The following USP6NL variants were observed in gnomAD, a reference collection of about 807,000 sequenced individuals.
The protein encoded by USP6NL is USP6 N-terminal-like protein.
Under a neutral mutation model 61.9 loss-of-function variants are expected in USP6NL, and 26 were observed. The ratio of observed to expected loss-of-function variants is 0.42; its 90% CI spans 0.31 to 0.58. USP6NL has a LOEUF of 0.58. USP6NL is among the 20% of genes least tolerant of loss of function. The pLI is 0.16. For synonymous variants in USP6NL, 432 were observed against 390.1 expected (o/e 1.11, Z -1.27); for missense variants, 1,114 against 1,034.3 (o/e 1.08, Z -1.06).
chr10:11,569,735 G>A (rs987516604), intron 2 of USP6NL, among the ~76,000 whole-genome samples: 1 of 152,232 alleles, frequency 6.6e-6, no homozygotes, highest in Non-Finnish European at 1.5e-5. Context: ...GAGAGATTCA[G>A]TGATACAGCC....
intron 2 of USP6NL, among the ~76,000 whole-genome samples, chr10:11,546,274 A>G (rs1203854078): frequency 6.6e-6 from 1 of 152,262 alleles, no homozygotes; most frequent in Non-Finnish European, 1.5e-5. Flanking sequence ...TGTTTCTAAC[A>G]TGAATAGAAA....
intron 2 of USP6NL, among the ~76,000 whole-genome samples, chr10:11,569,528 G>A (rs1031651253): frequency 6.6e-6 from 1 of 152,156 alleles, no homozygotes; most frequent in African/African-American, 2.4e-5. Context: ...AGAAAGAAAC[G>A]ATTCAATCTA....
In USP6NL at chr10:11,470,355, C is replaced by T. The variant is rs1246947907; in HGVS notation, c.1079-6506G>A. Among the ~76,000 whole-genome samples the T allele has an allele frequency of 6.6e-6, 1 of 152,142 alleles. No individual in the cohort carries two copies. The highest frequency in any genetic ancestry group is 2.4e-5 in the African/African-American group (1 of 41,422). Reference sequence around the variant, plus strand: ...CCACCAGCAATACGGAACCCAAGGACGCCATGCCAGGATCTGGCCTCTACT... The same window carrying T: ...CCACCAGCAATACGGAACCCAAGGATGCCATGCCAGGATCTGGCCTCTACT... On this transcript the variant is annotated intron_variant, in intron 14 of 14. Coordinates refer to ENST00000609104, the MANE Select transcript of USP6NL (RefSeq NM_014688.5). The surrounding 1 kb of genome is among the most constrained non-coding windows in gnomAD (Gnocchi z 5.4).
chr10:11,506,363 T>G (rs943997757), intron 6 of USP6NL, among the ~76,000 whole-genome samples: 1 of 152,172 alleles, frequency 6.6e-6, no homozygotes, highest in African/African-American at 2.4e-5. Flanking sequence ...AAATACAGGC[T>G]GGGCACAGTG....
At chr10:11,578,216 G>A (rs1466590801) in intron 2 of USP6NL, among the ~76,000 whole-genome samples, 4 of 152,024 alleles carry the variant, frequency 2.6e-5, no homozygotes, top group Admixed American at 6.5e-5. Context: ...CAATCCGCCC[G>A]CCTCAGCCTC....
In USP6NL at chr10:11,562,578, A is replaced by G. The variant is rs947145037; in HGVS notation, c.5-35011T>C. On this transcript the variant is annotated intron_variant, in intron 2 of 14. Coordinates refer to ENST00000609104, the MANE Select transcript of USP6NL (RefSeq NM_014688.5). This position sits in a 1 kb window ranked among gnomAD's most constrained non-coding sequence, Gnocchi z 4.8. ...CTAGCTAGCCTGGACTGTTTCAGCC[A>G]CTCAGCCAGGTTTTAAATTACTTGC... is the stretch of plus-strand genomic sequence containing the variant. 4.1e-6 allele frequency: 4 copies of G among 985,354 alleles called. No homozygotes were observed. Among genetic ancestry groups the G allele is most frequent in the Non-Finnish European group, 4.8e-6 (4 of 829,910 alleles). The allele number at this position is 985,354 out of a possible 1,614,324, so 61.0% of individuals were successfully genotyped here. A position where few individuals can be genotyped will look rare whatever the true frequency, so the allele number is the denominator to read the frequency against.
At position 11,495,845 on chromosome 10, in the gene USP6NL, T is replaced by A. The variant is rs1231081224; in HGVS notation, c.385-2617A>T. ...ACAGCAAAACTTCGTTTTCTGCTTT[T>A]GTTTAAAAGTGGGACACAAAAAAGC... On this transcript the variant is annotated intron_variant, in intron 7 of 14. Transcript: ENST00000609104. This position sits in a 1 kb window ranked among gnomAD's most constrained non-coding sequence, Gnocchi z 4.6. Among the ~76,000 whole-genome samples the A allele has an allele frequency of 6.6e-6, 1 of 152,258 alleles. No individual in the cohort carries two copies. Among genetic ancestry groups the A allele is most frequent in the Non-Finnish European group, 1.5e-5 (1 of 68,048 alleles).
intron 4 of USP6NL, among the ~76,000 whole-genome samples, chr10:11,519,068 A>G (rs192534437): frequency 1.2e-3 from 179 of 152,198 alleles, no homozygotes; most frequent in Middle Eastern, 6.8e-3. Flanking sequence ...CTTTTTCACA[A>G]CGATAGCTCT....
At chr10:11,581,054 C>T (rs1308655439) in intron 2 of USP6NL, among the ~76,000 whole-genome samples, 1 of 152,130 alleles carries the variant, frequency 6.6e-6, no homozygotes, top group African/African-American at 2.4e-5. Context: ...ACCCTAGACT[C>T]TTAAAGAATT....
At chr10:11,544,527 G>A (rs781320319) in intron 2 of USP6NL, among the ~76,000 whole-genome samples, 6 of 151,432 alleles carry the variant, frequency 4.0e-5, no homozygotes, top group African/African-American at 1.2e-4. Context: ...CGCTCTTGTC[G>A]CACAGGCTGG....
Position 11,482,033 on chromosome 10 carries a change from A to C in USP6NL, c.926-111T>G, listed in dbSNP as rs2133223148. 6 of 1,078,880 alleles carry C rather than the reference A, an allele frequency of 5.6e-6. No homozygotes were observed. In the South Asian group the frequency reaches 1.2e-4, roughly 21 times the overall value. The allele number at this position is 1,078,880 out of a possible 1,614,324, so 66.8% of individuals were successfully genotyped here. ...AAAGGGCATTAAAAAGGGCGCAAGC[A>C]GCATACAACTTACATATGGCATTGA... On this transcript the variant is annotated intron_variant, in intron 13 of 14. Coordinates refer to ENST00000609104, the MANE Select transcript of USP6NL (RefSeq NM_014688.5). The surrounding 1 kb of genome is among the most constrained non-coding windows in gnomAD (Gnocchi z 4.0).
intron 2 of USP6NL, chr10:11,563,262 G>A (rs1384289083): frequency 6.6e-6 from 1 of 152,182 alleles, no homozygotes; most frequent in Non-Finnish European, 1.5e-5. Context: ...ATTGCAAGGG[G>A]TTAGGGAAGT....
Position 11,525,610 on chromosome 10 carries a change from C to T in USP6NL, c.73-142G>A, listed in dbSNP as rs1042617180. The T allele has an allele frequency of 7.0e-6, 5 of 717,796 alleles. No individual in the cohort carries two copies. The highest frequency in any genetic ancestry group is 6.3e-6 in the Non-Finnish European group (3 of 476,134). The allele number at this position is 717,796 out of a possible 1,614,324, so 44.5% of individuals were successfully genotyped here. ...GGAAGTGAGGCATTATGAGCCTTAA[C>T]ATTTTTTTTTCCCCTTTAAACCCAA... On this transcript the variant is annotated intron_variant, in intron 3 of 14. Coordinates refer to ENST00000609104, the MANE Select transcript of USP6NL (RefSeq NM_014688.5). This position sits in a 1 kb window ranked among gnomAD's most constrained non-coding sequence, Gnocchi z 5.0.
rs1833251942 is a variant in USP6NL, at chr10:11,482,734, T to C, written c.926-812A>G. ...TTGATTTTTTATTATTTAAAACCACTGTGTGATGAACCTCCAGTAACAACG... is the reference window on the plus strand; with the variant it reads ...TTGATTTTTTATTATTTAAAACCACCGTGTGATGAACCTCCAGTAACAACG... On this transcript the variant is annotated intron_variant, in intron 13 of 14. Transcript: ENST00000609104. This position sits in a 1 kb window ranked among gnomAD's most constrained non-coding sequence, Gnocchi z 4.0. Among the ~76,000 whole-genome samples, 1 of 152,192 alleles carries C rather than the reference T, an allele frequency of 6.6e-6. No individual in the cohort carries two copies. Among genetic ancestry groups the C allele is most frequent in the South Asian group, 2.1e-4 (1 of 4,834 alleles).
chr10:11,517,027 GGA>G (rs1483399847), intron 5 of USP6NL, among the ~76,000 whole-genome samples: 4 of 152,172 alleles, frequency 2.6e-5, no homozygotes, highest in African/African-American at 4.8e-5. Flanking sequence ...GGGGAATGTT[GGA>G]GAGAGAAGTC....
rs150168033 is a variant in USP6NL at position 11,579,450 on chromosome 10, A to G, written c.4+18181T>C. The stretch of plus-strand genomic sequence containing the variant: ...ACGATTCCTGAAGTTTCTTGCCAGT[A>G]CTACTTCAATTACATGCAGTGCGCA... On this transcript the variant is annotated intron_variant, in intron 2 of 14. Coordinates refer to ENST00000609104, the MANE Select transcript of USP6NL (RefSeq NM_014688.5). Among the ~76,000 whole-genome samples the G allele has an allele frequency of 9.4e-4, 143 of 152,330 alleles. 2 individuals carry two copies. Among genetic ancestry groups the G allele is most frequent in the Non-Finnish European group, 1.8e-3 (120 of 68,020 alleles).
intron 2 of USP6NL, among the ~76,000 whole-genome samples, chr10:11,533,261 G>C (rs924023410): frequency 5.3e-5 from 8 of 152,216 alleles, no homozygotes; most frequent in Non-Finnish European, 1.2e-4. Context: ...CCAAAGTTAA[G>C]AGCAAAAAAT....
chr10:11,483,605 G>A (rs1391805784), intron 13 of USP6NL, among the ~76,000 whole-genome samples: 1 of 17,456 alleles, frequency 5.7e-5, no homozygotes, highest in Non-Finnish European at 1.2e-4. Context: ...GGGGAGGGGG[G>A]AGGGGGAGAG....
At position 11,592,179 on chromosome 10, in the gene USP6NL, TACTC is replaced by T. The variant is rs765280394; in HGVS notation, c.4+5448_4+5451del. Among the ~76,000 whole-genome samples, 1 of 152,234 alleles carries T rather than the reference TACTC, an allele frequency of 6.6e-6. No individual in the cohort carries two copies. The highest frequency in any genetic ancestry group is 1.5e-5 in the Non-Finnish European group (1 of 68,042). On this transcript the variant is annotated intron_variant, in intron 2 of 14. Coordinates refer to ENST00000609104, the MANE Select transcript of USP6NL (RefSeq NM_014688.5). This position sits in a 1 kb window ranked among gnomAD's most constrained non-coding sequence, Gnocchi z 4.7. ...GAGCCACCACACTCGGCCTCAGAATTACTCACTTTTCTACAGCAAGTGGTCAAAA... is the reference window on the plus strand; with the variant it reads ...GAGCCACCACACTCGGCCTCAGAATTACTTTTCTACAGCAAGTGGTCAAAA...
Sources: gnomAD v4.1 joint callset for allele counts (sites outside exome capture counted in the v4.1 genomes callset) on GRCh38, gnomAD v4.1.1 for gene constraint, Gnocchi (gnomAD v3.1) non-coding constraint, MANE v1.5 for transcripts, NCBI Gene and HGNC (gene_info 2026-07-23, HGNC 2026-07-21) for gene names.